Variants in DUOXA1 observed in about 807,000 individuals in gnomAD.
DUOXA1 encodes dual oxidase maturation factor 1.
Under a neutral mutation model 26.6 loss-of-function variants are expected in DUOXA1, and 19 were observed. That is an observed-to-expected ratio of 0.71 (90% confidence interval 0.50 to 1.05). DUOXA1 has a LOEUF of 1.05. Among genes scored for constraint, DUOXA1 ranks in the 50% least tolerant of loss-of-function variants. DUOXA1 has a pLI of 0.00. For missense variants in DUOXA1, 403 were observed against 427.5 expected (o/e 0.94, Z 0.51); for synonymous variants, 166 against 177.0 (o/e 0.94, Z 0.49).
At chr15:45,126,437 C>CA (rs1895685240) in intron 3 of DUOXA1, among the ~76,000 whole-genome samples, 1 of 152,244 alleles carries the variant, frequency 6.6e-6, no homozygotes, top group African/African-American at 2.4e-5. Flanking sequence ...AATGCCTTTT[C>CA]ACCCTTCAAG....
intron 3 of DUOXA1, among the ~76,000 whole-genome samples, chr15:45,125,063 T>C (rs1412026246): frequency 2.0e-5 from 3 of 152,166 alleles, no homozygotes; most frequent in African/African-American, 4.8e-5. Flanking sequence ...TCTGTGAGAG[T>C]AGCATGGTGT....
At chr15:45,127,165 G>A (rs1205775811) in intron 3 of DUOXA1, among the ~76,000 whole-genome samples, 1 of 152,132 alleles carries the variant, frequency 6.6e-6, no homozygotes, top group African/African-American at 2.4e-5. Flanking sequence ...AAAATATCTT[G>A]GCTAATAAGA....
Position 45,118,983 on chromosome 15 carries a change from T to C in DUOXA1, c.*123A>G. 6.9e-7 allele frequency: 1 copy of C among 1,454,946 alleles called. No homozygotes were observed. Among genetic ancestry groups the C allele is most frequent in the South Asian group, 1.5e-5 (1 of 67,498 alleles). 90.1% of individuals were successfully genotyped at this position (1,454,946 alleles called of 1,614,324 possible). A position where few individuals can be genotyped will look rare whatever the true frequency, so the allele number is the denominator to read the frequency against. Reference sequence around the variant, plus strand: ...TATAGAGCCTCCTTTTTCTACTCCGTCTGTAGATTGGTGCTGGGTGTCTGG... The same window carrying C: ...TATAGAGCCTCCTTTTTCTACTCCGCCTGTAGATTGGTGCTGGGTGTCTGG... On this transcript the variant is annotated 3_prime_UTR_variant, in exon 9 of 9. Coordinates refer to ENST00000560572, the MANE Select transcript of DUOXA1 (RefSeq NM_001276266.2).
In DUOXA1 at chr15:45,117,436, C is replaced by T; in HGVS notation, c.*1670G>A. The T allele has an allele frequency of 6.5e-7, 1 of 1,528,144 alleles. No homozygotes were observed. The highest frequency in any genetic ancestry group is 8.8e-7 in the Non-Finnish European group (1 of 1,133,214). The allele number at this position is 1,528,144 out of a possible 1,614,324, so 94.7% of individuals were successfully genotyped here. A position where few individuals can be genotyped will look rare whatever the true frequency, so the allele number is the denominator to read the frequency against. On this transcript the variant is annotated 3_prime_UTR_variant, in exon 9 of 9. Transcript: ENST00000560572. ...TGCCCCTCTCAATAGTTCGCAGAAA[C>T]AGGCACTGTTATGACCATTTTACAG... is the stretch of plus-strand genomic sequence containing the variant.
chr15:45,119,141 C>T lies in DUOXA1; in HGVS notation c.997G>A (p.Glu333Lys), dbSNP rs745874216. 1.4e-5 allele frequency: 23 copies of T among 1,604,702 alleles called. No individual in the cohort carries two copies. The Admixed American group carries it at 2.2e-4, about 15-fold the overall frequency. Residue 333 changes from glutamate (E) to lysine (K), a missense_variant, in exon 9 of 9, where the codon GAG becomes AAG. Transcript: ENST00000560572. ...EASSTKAYCK[E>K]AHPKDPDCAL ...CAATCAGGATCTTTGGGGTGTGCCT[C>T]CTTACAGTATGCCTTGGTGGAGGAA...
intron 6 of DUOXA1, 24 bp downstream of exon 6, chr15:45,121,062 AC>A (rs746742954): frequency 6.2e-7 from 1 of 1,613,408 alleles, no homozygotes; most frequent in Non-Finnish European, 8.5e-7. Context: ...CTTCCCCCCC[AC>A]CACAGGTAAG....
At chr15:45,122,038 T>C (rs1895255121) in intron 5 of DUOXA1, 147 bp downstream of exon 5, 1 of 797,072 alleles carries the variant, frequency 1.3e-6, no homozygotes. Flanking sequence ...GATAAGGCCA[T>C]GGTGAGAGAA....
chr15:45,124,532 C>CA (rs752193431), intron 3 of DUOXA1, among the ~76,000 whole-genome samples: 1 of 152,082 alleles, frequency 6.6e-6, no homozygotes, highest in Non-Finnish European at 1.5e-5. Context: ...TTGTTTGAGA[C>CA]AGAGTCTTGC....
chr15:45,117,904 C>G lies in DUOXA1; in HGVS notation c.*1202G>C. ...AGACTTAAAATGTATCACCACTAAC[C>G]TGTGAGGGGGACCCAATCTGGACTC... On this transcript the variant is annotated 3_prime_UTR_variant, in exon 9 of 9. Transcript: ENST00000560572. The G allele has an allele frequency of 6.2e-7, 1 of 1,613,388 alleles. No homozygotes were observed.
chr15:45,128,022 T>C (rs977921143), intron 3 of DUOXA1, among the ~76,000 whole-genome samples: 3 of 152,220 alleles, frequency 2.0e-5, no homozygotes, highest in Non-Finnish European at 4.4e-5. Flanking sequence ...TTTCCCACAC[T>C]TTAGGGTCCT....
intron 6 of DUOXA1, 128 bp from the exon 7 acceptor site, chr15:45,120,933 C>A: frequency 6.7e-7 from 1 of 1,499,466 alleles, no homozygotes; most frequent in African/African-American, 1.4e-5. Flanking sequence ...TTCCAAGGCC[C>A]TGAATTTCCC....
At chr15:45,127,191 GGCTAACAGCA>G (rs1280005877) in intron 3 of DUOXA1, among the ~76,000 whole-genome samples, 1 of 152,106 alleles carries the variant, frequency 6.6e-6, no homozygotes, top group Non-Finnish European at 1.5e-5. Flanking sequence ...GATAAAGCGA[GGCTAACAGCA>G]AGAACACATG....
Position 45,117,450 on chromosome 15 carries a change from A to T in DUOXA1, c.*1656T>A. 1 of 1,542,060 alleles carries T rather than the reference A, an allele frequency of 6.5e-7. No individual in the cohort carries two copies. Among genetic ancestry groups the T allele is most frequent in the Non-Finnish European group, 8.8e-7 (1 of 1,141,192 alleles). On this transcript the variant is annotated 3_prime_UTR_variant, in exon 9 of 9. Coordinates refer to ENST00000560572, the MANE Select transcript of DUOXA1 (RefSeq NM_001276266.2). ...GTTCGCAGAAACAGGCACTGTTATG[A>T]CCATTTTACAGATGAAAAGTGGGGG...
intron 5 of DUOXA1, among the ~76,000 whole-genome samples, chr15:45,121,745 G>A (rs536690597): frequency 1.8e-4 from 28 of 152,286 alleles, no homozygotes; most frequent in Non-Finnish European, 3.4e-4. Context: ...TCGAACTCCT[G>A]ATCTCAGGTG....
At chr15:45,127,798 CT>C (rs1213478875) in intron 3 of DUOXA1, among the ~76,000 whole-genome samples, 1 of 152,172 alleles carries the variant, frequency 6.6e-6, no homozygotes, top group Non-Finnish European at 1.5e-5. Context: ...ACTTGACCCA[CT>C]CCTCCCCTAC....
Position 45,118,145 on chromosome 15 carries a change from G to A in DUOXA1, c.*961C>T. 25 of 1,439,220 alleles carry A rather than the reference G, an allele frequency of 1.7e-5. No homozygotes were observed. Among genetic ancestry groups the A allele is most frequent in the Admixed American group, 1.7e-4 (6 of 36,184 alleles). The allele number at this position is 1,439,220 out of a possible 1,614,324, so 89.2% of individuals were successfully genotyped here. A position where few individuals can be genotyped will look rare whatever the true frequency, so the allele number is the denominator to read the frequency against. ...TAATTTTCATGGCTTCTCCGCGCCG[G>A]GGTCGCACGTCCTCATGAGCTTCGC... is the stretch of plus-strand genomic sequence containing the variant. On this transcript the variant is annotated 3_prime_UTR_variant, in exon 9 of 9. Transcript: ENST00000560572.
Position 45,119,372 on chromosome 15 carries a change from A to T in DUOXA1, c.773-7T>A. 6.2e-7 allele frequency: 1 copy of T among 1,602,058 alleles called. No individual in the cohort carries two copies. Among genetic ancestry groups the T allele is most frequent in the Non-Finnish European group, 8.5e-7 (1 of 1,171,292 alleles). ...AGCAGCACACACAGCAGTCCTGGAG[A>T]TGAGGGCAACAATTGTCCCACCTTA... On this transcript the variant is annotated splice_region_variant and splice_polypyrimidine_tract_variant and intron_variant, in intron 8 of 8. Transcript: ENST00000560572.
At position 45,118,452 on chromosome 15, in the gene DUOXA1, T is replaced by G; in HGVS notation, c.*654A>C. On this transcript the variant is annotated 3_prime_UTR_variant, in exon 9 of 9. Transcript: ENST00000560572. ...TCCCACCTGGCTTCTTGTGAGGTGG[T>G]GTTTGAGGGCCAAGGTAGGTGTCAG... is the stretch of plus-strand genomic sequence containing the variant. 1 of 1,015,300 alleles carries G rather than the reference T, an allele frequency of 9.8e-7. No homozygotes were observed. The highest frequency in any genetic ancestry group is 4.5e-5 in the South Asian group (1 of 22,380). 62.9% of individuals were successfully genotyped at this position (1,015,300 alleles called of 1,614,324 possible).
intron 3 of DUOXA1, among the ~76,000 whole-genome samples, chr15:45,125,587 T>A (rs547882637): frequency 1.4e-4 from 21 of 152,304 alleles, no homozygotes; most frequent in Admixed American, 1.3e-3. Flanking sequence ...AAGTGTTAAA[T>A]CCAAAGGGCA....
Sources: allele counts gnomAD v4.1 joint callset (sites outside exome capture counted in the v4.1 genomes callset), GRCh38; gene constraint gnomAD v4.1.1; transcripts MANE v1.5; gene names NCBI Gene and HGNC (gene_info 2026-07-23, HGNC 2026-07-21).